RAB11B: variants seen among roughly 807,000 people sequenced by gnomAD.
RAB11B encodes RAB11B, member RAS oncogene family.
In RAB11B, 7 loss-of-function variants were observed where a neutral mutation model predicts 23.7. The observed-to-expected ratio is 0.29, with a 90% CI of 0.17 to 0.55. The LOEUF (loss-of-function observed/expected upper bound fraction) is 0.55, where lower values mean the gene tolerates loss of function less well. RAB11B is among the 20% of genes least tolerant of loss of function. RAB11B has a pLI of 0.93. For synonymous variants in RAB11B, 138 were observed against 132.0 expected (o/e 1.05, Z -0.31); for missense variants, 189 against 320.0 (o/e 0.59, Z 3.12).
At chr19:8,394,556 G>A (rs1018184342) in intron 1 of RAB11B, among the ~76,000 whole-genome samples, 3 of 152,212 alleles carry the variant, frequency 2.0e-5, no homozygotes, top group Non-Finnish European at 4.4e-5. Context: ...ATTTACATCT[G>A]TCCCTGGGGC....
At chr19:8,394,918 T>C (rs934659837) in intron 1 of RAB11B, among the ~76,000 whole-genome samples, 3 of 152,098 alleles carry the variant, frequency 2.0e-5, no homozygotes, top group Non-Finnish European at 4.4e-5. Flanking sequence ...CGAGGGAGAT[T>C]CCATCTCAAT....
chr19:8,402,471 A>G lies in RAB11B; in HGVS notation c.431-14A>G, dbSNP rs2145513571. On this transcript the variant is annotated splice_polypyrimidine_tract_variant and intron_variant, in intron 3 of 4. Transcript: ENST00000328024. The stretch of plus-strand genomic sequence containing the variant: ...CTGCCTCCCCACTCACCTAGGCAGT[A>G]TTCTTTGTTCCAGAAAAGAACAACT... 6.2e-7 allele frequency: 1 copy of G among 1,610,870 alleles called. No homozygotes were observed. Among genetic ancestry groups the G allele is most frequent in the Admixed American group, 1.7e-5 (1 of 60,012 alleles).
At chr19:8,394,930 C>T (rs1475584128) in intron 1 of RAB11B, among the ~76,000 whole-genome samples, 1 of 152,104 alleles carries the variant, frequency 6.6e-6, no homozygotes, top group Non-Finnish European at 1.5e-5. Context: ...CATCTCAATA[C>T]AAACAAACAA....
intron 1 of RAB11B, among the ~76,000 whole-genome samples, chr19:8,394,250 G>A (rs540159386): frequency 5.2e-4 from 79 of 152,268 alleles, no homozygotes; most frequent in African/African-American, 1.9e-3. Flanking sequence ...CCGCCTCCTG[G>A]GTTCAAATGA....
chr19:8,390,667 TG>T, intron 1 of RAB11B: 2 of 470,302 alleles, frequency 4.3e-6, no homozygotes, highest in East Asian at 3.9e-5. Flanking sequence ...CGGAGAGACC[TG>T]GGGGACCTAG....
At chr19:8,397,193 G>T (rs2967610) in intron 1 of RAB11B, among the ~76,000 whole-genome samples, 107,362 of 151,914 alleles carry the variant, frequency 0.71, 38,320 homozygotes, top group Admixed American at 0.72. Context: ...GCTCTTCTGG[G>T]TATGAGGGGC....
chr19:8,402,370 C>A, intron 3 of RAB11B, 91 bp downstream of exon 3: 1 of 1,535,320 alleles, frequency 6.5e-7, no homozygotes, highest in Non-Finnish European at 8.8e-7. Flanking sequence ...CCCTGGCTTC[C>A]CTTCCCTGAG....
In RAB11B at chr19:8,403,806, G is replaced by A; in HGVS notation, c.*248G>A. 1 of 492,550 alleles carries A rather than the reference G, an allele frequency of 2.0e-6. No homozygotes were observed. Among genetic ancestry groups the A allele is most frequent in the Non-Finnish European group, 3.5e-6 (1 of 287,098 alleles). 30.5% of individuals were successfully genotyped at this position (492,550 alleles called of 1,614,324 possible). On this transcript the variant is annotated 3_prime_UTR_variant, in exon 5 of 5. Coordinates refer to ENST00000328024, the MANE Select transcript of RAB11B (RefSeq NM_004218.4). The stretch of plus-strand genomic sequence containing the variant: ...CCCCACAGCGTCTTGGCGGGGTGGG[G>A]AGGGCGGCAGGATGGACGGGGCTGG...
At chr19:8,403,368 G>T in intron 4 of RAB11B, 45 bp from the exon 5 acceptor site, 1 of 1,579,064 alleles carries the variant, frequency 6.3e-7, no homozygotes, top group Admixed American at 1.7e-5. Flanking sequence ...CGGCAGGCAG[G>T]GCACGTGCTG....
chr19:8,399,812 G>T, intron 1 of RAB11B, 51 bp from the exon 2 acceptor site: 2 of 1,579,126 alleles, frequency 1.3e-6, no homozygotes. Context: ...GGTTGTGGGG[G>T]CAGTCGTGGG....
chr19:8,400,045 G>A lies in RAB11B; in HGVS notation c.223G>A (p.Ala75Thr). 6.2e-7 allele frequency: 1 copy of A among 1,612,868 alleles called. No homozygotes were observed. The change falls in exon 2 of 5, where the codon GCC (alanine) becomes ACC (threonine). Residue 75 changes from alanine (A) to threonine (T), a missense_variant. By Grantham distance (58) the Ala-to-Thr change is moderately conservative. Transcript: ENST00000328024. ...WDTAGQERYR[A>T]ITSAYYRGAV... ...CACCGCTGGCCAGGAGCGCTACCGC[G>A]CCATCACCTCCGCGTGCGTGTCGGC...
intron 1 of RAB11B, among the ~76,000 whole-genome samples, chr19:8,399,531 G>T (rs926579044): frequency 3.9e-5 from 6 of 152,232 alleles, no homozygotes; most frequent in African/African-American, 1.4e-4. Context: ...CCACCAGGCT[G>T]CAGGTGGAGG....
chr19:8,394,456 G>C (rs558163695), intron 1 of RAB11B, among the ~76,000 whole-genome samples: 1 of 152,300 alleles, frequency 6.6e-6, no homozygotes, highest in East Asian at 1.9e-4. Flanking sequence ...CACCTGGCCT[G>C]TCATTGATCT....
intron 2 of RAB11B, chr19:8,400,277 G>C (rs1971427314): frequency 1.6e-6 from 1 of 615,990 alleles, no homozygotes; most frequent in Non-Finnish European, 2.8e-6. Context: ...TGGGTACCAA[G>C]TGCAGTGAGG....
chr19:8,391,556 A>C (rs1971353466), intron 1 of RAB11B, among the ~76,000 whole-genome samples: 1 of 151,282 alleles, frequency 6.6e-6, no homozygotes, highest in African/African-American at 2.4e-5. Flanking sequence ...TTCTGTGCCC[A>C]GCTACACTTT....
chr19:8,395,057 C>T (rs535155590), intron 1 of RAB11B, among the ~76,000 whole-genome samples: 1 of 152,332 alleles, frequency 6.6e-6, no homozygotes, highest in African/African-American at 2.4e-5. Context: ...TGTCTTATTT[C>T]CTGAGGACGT....
intron 1 of RAB11B, among the ~76,000 whole-genome samples, chr19:8,392,685 CTTTTTTTTTTTTTTTT>C (rs74176644): frequency 2.5e-5 from 2 of 79,666 alleles, no homozygotes; most frequent in Admixed American, 3.8e-4. Flanking sequence ...TTTTTCTTTT[CTTTTTTTTTTTTTTTT>C]TTTTTTGAGA....
In RAB11B at chr19:8,403,465, C is replaced by T. The variant is rs113471546; in HGVS notation, c.564C>T (p.Asp188=). Residue 188 remains aspartate, a synonymous_variant, in exon 5 of 5, where the codon GAC becomes GAT. Coordinates refer to ENST00000328024, the MANE Select transcript of RAB11B (RefSeq NM_004218.4). ...QKQIADRAAH[D]ESPGNNVVDI... ...AGATCGCAGACCGCGCTGCCCACGA[C>T]GAGTCCCCGGGGAACAACGTGGTGG... 126 of 1,613,878 alleles carry T rather than the reference C, an allele frequency of 7.8e-5. 1 individual carries two copies. In the African/African-American group the frequency reaches 1.3e-3, roughly 17 times the overall value.
At chr19:8,392,799 T>C (rs1473159797) in intron 1 of RAB11B, among the ~76,000 whole-genome samples, 1 of 144,876 alleles carries the variant, frequency 6.9e-6, no homozygotes, top group Non-Finnish European at 1.5e-5. Context: ...CAAACGATTC[T>C]CCTGCCTCAG....
Sources: allele counts gnomAD v4.1 joint callset (sites outside exome capture counted in the v4.1 genomes callset), GRCh38; gene constraint gnomAD v4.1.1; transcripts MANE v1.5; gene names NCBI Gene and HGNC (gene_info 2026-07-23, HGNC 2026-07-21).